TLL2: variants seen among roughly 807,000 people sequenced by gnomAD.
The protein encoded by TLL2 is tolloid like 2, also known as tolloid-like protein 2.
TLL2 carries 106 observed loss-of-function variants against 123.0 expected under a neutral mutation model. That is an observed-to-expected ratio of 0.86 (90% confidence interval 0.74 to 1.01). The LOEUF (loss-of-function observed/expected upper bound fraction) is 1.01, where lower values mean the gene tolerates loss of function less well. TLL2 is among the 50% of genes least tolerant of loss of function. The pLI is 0.00. For synonymous variants in TLL2, 494 were observed against 516.8 expected (o/e 0.96, Z 0.60); for missense variants, 1,332 against 1,336.7 (o/e 1.00, Z 0.06).
At chr10:96,421,580 T>C (rs34250811) in intron 6 of TLL2, among the ~76,000 whole-genome samples, 49,685 of 150,062 alleles carry the variant, frequency 0.33, 8,178 homozygotes, top group Non-Finnish European at 0.36. Flanking sequence ...AGGAGAATGG[T>C]GTGAACCCGG....
intron 2 of TLL2, among the ~76,000 whole-genome samples, chr10:96,478,136 T>C (rs1847278158): frequency 6.6e-6 from 1 of 152,210 alleles, no homozygotes; most frequent in South Asian, 2.1e-4. Context: ...CACAACCCTC[T>C]AGCAGCCGGG....
chr10:96,456,934 A>T (rs1180528513), intron 2 of TLL2, among the ~76,000 whole-genome samples: 1 of 152,178 alleles, frequency 6.6e-6, no homozygotes, highest in Non-Finnish European at 1.5e-5. Flanking sequence ...ACAAACGGGG[A>T]TGGGAGGGAG....
chr10:96,459,690 AAAAAAAAAAAAAAAAATAT>A (rs1264057694), intron 2 of TLL2, among the ~76,000 whole-genome samples: 29 of 67,632 alleles, frequency 4.3e-4, no homozygotes, highest in South Asian at 4.2e-3. Flanking sequence ...AAAAAAAAAA[AAAAAAAAAAAAAAAAATAT>A]ATATATATAT....
intron 2 of TLL2, among the ~76,000 whole-genome samples, chr10:96,478,985 G>T (rs1440548418): frequency 6.6e-6 from 1 of 152,298 alleles, no homozygotes; most frequent in Admixed American, 6.5e-5. Context: ...ACACATACAA[G>T]ATTACAGTCA....
At chr10:96,477,528 G>A (rs994722535) in intron 2 of TLL2, among the ~76,000 whole-genome samples, 1 of 151,832 alleles carries the variant, frequency 6.6e-6, no homozygotes, top group African/African-American at 2.4e-5. Flanking sequence ...CACTTTAATC[G>A]TAAACCCTCC....
In TLL2 at chr10:96,405,117, C is replaced by T. The variant is rs144781306; in HGVS notation, c.1267+115G>A. The T allele has an allele frequency of 2.6e-5, 24 of 911,320 alleles. No homozygotes were observed. In the East Asian group the frequency reaches 5.8e-4, roughly 22 times the overall value. The allele number at this position is 911,320 out of a possible 1,614,324, so 56.5% of individuals were successfully genotyped here. On this transcript the variant is annotated intron_variant, in intron 10 of 20. Coordinates refer to ENST00000357947, the MANE Select transcript of TLL2 (RefSeq NM_012465.4). The stretch of plus-strand genomic sequence containing the variant: ...TGGAGTGCTCAGAGTTTTACAATGA[C>T]AGAGGCCCTTGAGAGTTTCCTGTGA...
At chr10:96,381,853 A>G (rs1846189145) in intron 16 of TLL2, among the ~76,000 whole-genome samples, 1 of 152,208 alleles carries the variant, frequency 6.6e-6, no homozygotes, top group South Asian at 2.1e-4. Flanking sequence ...AGACTGCCAA[A>G]AAAAAAATGC....
At chr10:96,411,771 C>G (rs1009978493) in intron 8 of TLL2, among the ~76,000 whole-genome samples, 1 of 152,126 alleles carries the variant, frequency 6.6e-6, no homozygotes, top group East Asian at 1.9e-4. Flanking sequence ...AGTTACTGCT[C>G]GGAACTACTG....
intron 8 of TLL2, among the ~76,000 whole-genome samples, chr10:96,412,261 T>C (rs1275224648): frequency 1.3e-5 from 2 of 152,168 alleles, no homozygotes; most frequent in African/African-American, 2.4e-5. Context: ...CTTAGTAAGG[T>C]AATGTGACAG....
chr10:96,441,302 T>C (rs1237457822), intron 3 of TLL2, among the ~76,000 whole-genome samples: 1 of 152,186 alleles, frequency 6.6e-6, no homozygotes, highest in Admixed American at 6.5e-5. Context: ...ATGGGTGAAT[T>C]TGCACCTCAC....
intron 11 of TLL2, among the ~76,000 whole-genome samples, chr10:96,396,705 G>T (rs1846345341): frequency 6.6e-6 from 1 of 150,864 alleles, no homozygotes; most frequent in Non-Finnish European, 1.5e-5. Flanking sequence ...CAGACCTATT[G>T]GTTCCCTCTA....
chr10:96,386,009 T>G, intron 15 of TLL2, 46 bp downstream of exon 15: 2 of 1,459,186 alleles, frequency 1.4e-6, no homozygotes, highest in Non-Finnish European at 1.8e-6. Flanking sequence ...CAGCTCTGAG[T>G]CACCCCTCAA....
chr10:96,458,961 A>G (rs1316268324), intron 2 of TLL2, among the ~76,000 whole-genome samples: 2 of 152,180 alleles, frequency 1.3e-5, no homozygotes, highest in African/African-American at 4.8e-5. Flanking sequence ...AGAAAAAACA[A>G]GGAAAAAAGA....
intron 6 of TLL2, 45 bp downstream of exon 6, chr10:96,422,504 A>C: frequency 2.5e-6 from 4 of 1,608,370 alleles, no homozygotes; most frequent in Non-Finnish European, 3.4e-6. Context: ...TGAGGTTGCC[A>C]CCTTCTCGAC....
intron 1 of TLL2, among the ~76,000 whole-genome samples, chr10:96,511,075 C>T (rs761805774): frequency 6.6e-6 from 1 of 152,166 alleles, no homozygotes; most frequent in Non-Finnish European, 1.5e-5. Flanking sequence ...TGGAGACCCA[C>T]ACCAAGAAGG....
chr10:96,439,360 CA>C (rs1846829582), intron 3 of TLL2, among the ~76,000 whole-genome samples: 1 of 151,572 alleles, frequency 6.6e-6, no homozygotes. Flanking sequence ...TTTGGCCTCC[CA>C]AAGTGCTGGG....
At chr10:96,475,650 G>T (rs914078547) in intron 2 of TLL2, among the ~76,000 whole-genome samples, 2 of 152,176 alleles carry the variant, frequency 1.3e-5, no homozygotes, top group Non-Finnish European at 2.9e-5. Context: ...GGCCTCTGGG[G>T]TTGCACTGCA....
Position 96,370,187 on chromosome 10 carries a change from C to T in TLL2, c.2791G>A (p.Val931Met), listed in dbSNP as rs76724974. ...WVIVAEDGYG[V>M]ELTFRTFEVE... is the part of the protein sequence containing the mutation. ...TCAAAGGTCCGGAATGTCAGCTCCA[C>T]GCCGTAGCCGTCCTCTGCCACGATC... Residue 931 changes from valine to methionine, a missense_variant, in exon 20 of 21, where the codon GTG becomes ATG. Transcript: ENST00000357947. 53 of 1,614,124 alleles carry T rather than the reference C, an allele frequency of 3.3e-5. No homozygotes were observed. The East Asian group carries it at 1.2e-3, about 36-fold the overall frequency.
At chr10:96,479,233 A>G (rs891156671) in intron 2 of TLL2, among the ~76,000 whole-genome samples, 2 of 152,216 alleles carry the variant, frequency 1.3e-5, no homozygotes, top group Non-Finnish European at 2.9e-5. Context: ...AAGAAATCCT[A>G]AAGTACATAA....
Sources: gnomAD v4.1 joint callset for allele counts (sites outside exome capture counted in the v4.1 genomes callset) on GRCh38, gnomAD v4.1.1 for gene constraint, MANE v1.5 for transcripts, NCBI Gene and HGNC (gene_info 2026-07-23, HGNC 2026-07-21) for gene names.